AGO3: variants seen among roughly 807,000 people sequenced by gnomAD.
AGO3 encodes the protein protein argonaute-3.
A neutral mutation model predicts 105.5 loss-of-function variants in AGO3; 16 were observed. The ratio of observed to expected loss-of-function variants is 0.15; its 90% CI spans 0.10 to 0.23. The LOEUF (loss-of-function observed/expected upper bound fraction) is 0.23. Ranked by LOEUF, AGO3 falls within the 10% of genes least tolerant of loss-of-function variation. The pLI, the probability that AGO3 is intolerant of heterozygous loss-of-function variation, is 1.00. For synonymous variants in AGO3, 340 were observed against 367.3 expected, an observed-to-expected ratio of 0.93 and a Z score of 0.85; for missense variants, 534 against 1,088.0, an observed-to-expected ratio of 0.49 and a Z score of 7.16.
chr1:36,016,363 G>A (rs1310440571), intron 11 of AGO3, among the ~76,000 whole-genome samples: 1 of 152,060 alleles, frequency 6.6e-6, no homozygotes, highest in East Asian at 1.9e-4. Flanking sequence ...TGTATTTTTA[G>A]TAGAGATGGG....
At chr1:35,945,026 A>T (rs941826020) in intron 1 of AGO3, among the ~76,000 whole-genome samples, 34 of 151,748 alleles carry the variant, frequency 2.2e-4, no homozygotes, top group African/African-American at 4.8e-5. Context: ...GTGGTCTCAA[A>T]CTCCTGAGCT....
At chr1:36,009,643 C>T (rs779031133) in intron 9 of AGO3, 49 bp downstream of exon 9, 3 of 1,560,922 alleles carry the variant, frequency 1.9e-6, no homozygotes, top group Non-Finnish European at 2.6e-6. Context: ...TTAGGGTGAA[C>T]TGTAATACTA....
intron 12 of AGO3, among the ~76,000 whole-genome samples, chr1:36,033,170 T>G (rs1641858510): frequency 6.7e-6 from 1 of 150,338 alleles, no homozygotes; most frequent in South Asian, 2.1e-4. Context: ...AAATAAAAAG[T>G]AAATAAAAAT....
chr1:35,946,988 C>G (rs1461471823), intron 2 of AGO3, among the ~76,000 whole-genome samples: 3 of 152,106 alleles, frequency 2.0e-5, no homozygotes, highest in Admixed American at 6.6e-5. Context: ...GAAACCAGAA[C>G]TCCAGAATCC....
chr1:35,973,377 A>C lies in AGO3; in HGVS notation c.524A>C (p.Tyr175Ser). 1 of 1,518,230 alleles carries C rather than the reference A, an allele frequency of 6.6e-7. No individual in the cohort carries two copies. 94.0% of individuals were successfully genotyped at this position (1,518,230 alleles called of 1,614,324 possible). ...VVLRHLPSMK[Y>S]TPVGRSFFSA... ...ACATGCCATTTTAATTTTTGTAGAT[A>C]CACACCTGTGGGGCGTTCATTTTTC... The change falls in exon 5 of 19, where the codon TAC (tyrosine) becomes TCC (serine). Residue 175 changes from tyrosine to serine, a missense_variant and splice_region_variant. Coordinates refer to ENST00000373191, the MANE Select transcript of AGO3 (RefSeq NM_024852.4).
At chr1:36,032,407 G>A (rs1459963245) in intron 12 of AGO3, among the ~76,000 whole-genome samples, 1 of 151,838 alleles carries the variant, frequency 6.6e-6, no homozygotes, top group Non-Finnish European at 1.5e-5. Context: ...TTTAAGGCAA[G>A]GTCTCACTCT....
rs1334305848 is a variant in AGO3 at position 36,056,703 on chromosome 1, C to T, written c.*958C>T. 6.6e-6 allele frequency: 1 copy of T among 151,788 alleles called. No homozygotes were observed. The highest frequency in any genetic ancestry group is 1.9e-4 in the East Asian group (1 of 5,188). 9.4% of individuals were successfully genotyped at this position (151,788 alleles called of 1,614,324 possible). A position where few individuals can be genotyped will look rare whatever the true frequency, so the allele number is the denominator to read the frequency against. The stretch of plus-strand genomic sequence containing the variant: ...TGCGCAATTTGTATATAAGCAGTAG[C>T]AACCTGAACTATTCTTTTTCTTTTT... On this transcript the variant is annotated 3_prime_UTR_variant, in exon 19 of 19. Transcript: ENST00000373191.
intron 2 of AGO3, among the ~76,000 whole-genome samples, chr1:35,961,128 T>C (rs970822984): frequency 1.3e-5 from 2 of 151,428 alleles, no homozygotes; most frequent in Admixed American, 1.3e-4. Context: ...TTTTTTTGTA[T>C]TTTTAGTTGA....
At chr1:35,957,773 A>C (rs1360591405) in intron 2 of AGO3, among the ~76,000 whole-genome samples, 3 of 151,954 alleles carry the variant, frequency 2.0e-5, no homozygotes, top group African/African-American at 7.3e-5. Context: ...AAATTATTAA[A>C]ATTTTGGCCA....
intron 2 of AGO3, among the ~76,000 whole-genome samples, chr1:35,949,550 A>C (rs988340235): frequency 2.1e-4 from 32 of 152,222 alleles, no homozygotes; most frequent in Admixed American, 1.8e-3. Flanking sequence ...CAAAACAGTT[A>C]AGGGACAAAA....
chr1:35,940,116 G>C (rs558601354), intron 1 of AGO3, among the ~76,000 whole-genome samples: 2 of 152,000 alleles, frequency 1.3e-5, no homozygotes, highest in African/African-American at 4.8e-5. Flanking sequence ...GCCCAGGCTG[G>C]AGTTCAGTGG....
At chr1:36,003,108 T>C (rs1569724083) in intron 5 of AGO3, among the ~76,000 whole-genome samples, 1 of 150,002 alleles carries the variant, frequency 6.7e-6, no homozygotes, top group African/African-American at 2.5e-5. Context: ...AATAAATAAA[T>C]AAAGTTTACA....
At chr1:35,982,835 G>GA in intron 5 of AGO3, 2 of 488,020 alleles carry the variant, frequency 4.1e-6, no homozygotes, top group Non-Finnish European at 7.4e-6. Context: ...GAACGGATTG[G>GA]AAAAAAATAG....
intron 11 of AGO3, among the ~76,000 whole-genome samples, chr1:36,026,203 G>T (rs1212361979): frequency 6.6e-6 from 1 of 152,126 alleles, no homozygotes; most frequent in Admixed American, 6.6e-5. Flanking sequence ...CCGCTTCCCA[G>T]ATTCAAGTGA....
intron 17 of AGO3, among the ~76,000 whole-genome samples, chr1:36,049,681 A>G (rs1642622045): frequency 6.6e-6 from 1 of 152,170 alleles, no homozygotes; most frequent in Admixed American, 6.6e-5. Context: ...ACCTGTAAAG[A>G]CACATATAAA....
chr1:36,013,178 G>T (rs1484042217), intron 9 of AGO3, among the ~76,000 whole-genome samples: 4 of 151,912 alleles, frequency 2.6e-5, no homozygotes, highest in Admixed American at 2.6e-4. Flanking sequence ...AGCTCAAGCA[G>T]TTCTCCCACC....
At chr1:35,997,851 C>G (rs1639907600) in intron 5 of AGO3, among the ~76,000 whole-genome samples, 2 of 152,102 alleles carry the variant, frequency 1.3e-5, no homozygotes, top group Admixed American at 1.3e-4. Context: ...CGCCTGCCAC[C>G]ACGCCCAGCT....
intron 12 of AGO3, among the ~76,000 whole-genome samples, chr1:36,028,997 T>C (rs1055739212): frequency 2.6e-5 from 4 of 152,180 alleles, no homozygotes; most frequent in African/African-American, 9.7e-5. Flanking sequence ...TGGTTTTAAT[T>C]GAGCATTTTA....
chr1:35,980,212 G>A (rs2148782683), intron 5 of AGO3, among the ~76,000 whole-genome samples: 1 of 151,998 alleles, frequency 6.6e-6, no homozygotes, highest in South Asian at 2.1e-4. Context: ...ACTAGTTTTA[G>A]CCAATATAGT....
Sources: allele counts gnomAD v4.1 joint callset (sites outside exome capture counted in the v4.1 genomes callset), GRCh38; gene constraint gnomAD v4.1.1; transcripts MANE v1.5; gene names NCBI Gene and HGNC (gene_info 2026-07-23, HGNC 2026-07-21).